ATP6V1C1: variants seen among roughly 807,000 people sequenced by gnomAD.
ATP6V1C1 encodes ATPase H+ transporting V1 subunit C1, also known as V-type proton ATPase subunit C 1.
Under a neutral mutation model 53.9 loss-of-function variants are expected in ATP6V1C1, and 45 were observed. The ratio of observed to expected loss-of-function variants is 0.83; its 90% CI spans 0.66 to 1.07. The LOEUF (loss-of-function observed/expected upper bound fraction) is 1.07, where lower values mean the gene tolerates loss of function less well. ATP6V1C1 is among the 50% of genes least tolerant of loss of function. The pLI, the probability that ATP6V1C1 is intolerant of heterozygous loss-of-function variation, is 0.00. For missense variants in ATP6V1C1, 315 were observed against 440.3 expected (o/e 0.72, Z 2.55); for synonymous variants, 153 against 155.2 (o/e 0.99, Z 0.11).
intron 1 of ATP6V1C1, among the ~76,000 whole-genome samples, chr8:103,022,889 A>G (rs572768448): frequency 2.0e-5 from 3 of 152,186 alleles, no homozygotes; most frequent in Non-Finnish European, 4.4e-5. Flanking sequence ...GTCTCTACCA[A>G]AAATAAAAAA....
At chr8:103,053,740 C>T (rs1817240533) in intron 6 of ATP6V1C1, 144 bp from the exon 7 acceptor site, 1 of 602,350 alleles carries the variant, frequency 1.7e-6, no homozygotes. Context: ...TAAATGGTGA[C>T]TTCTTACAAA....
intron 10 of ATP6V1C1, among the ~76,000 whole-genome samples, chr8:103,063,664 T>C (rs1817441880): frequency 6.6e-6 from 1 of 152,204 alleles, no homozygotes; most frequent in Admixed American, 6.5e-5. Context: ...CCTCAATCTT[T>C]TATTGAAGCA....
chr8:103,065,967 A>C (rs1487675041), intron 11 of ATP6V1C1, among the ~76,000 whole-genome samples: 1 of 152,002 alleles, frequency 6.6e-6, no homozygotes, highest in Non-Finnish European at 1.5e-5. Flanking sequence ...GCTTGAACCC[A>C]GGAGGCGGAG....
chr8:103,064,856 A>G (rs749858293), intron 11 of ATP6V1C1, 45 bp downstream of exon 11: 3 of 1,538,798 alleles, frequency 1.9e-6, no homozygotes, highest in South Asian at 2.3e-5. Flanking sequence ...GAGTTCATAG[A>G]TTCCTTACAT....
rs762303625 is a variant in ATP6V1C1, at chr8:103,062,967, G to A, written c.654G>A (p.Glu218=). The A allele has an allele frequency of 1.9e-6, 3 of 1,613,510 alleles. No homozygotes were observed. In the Admixed American group the frequency reaches 5.0e-5, roughly 27 times the overall value. ...VVPRSSNVLS[E]DQDSYLCNVT... ...TTTTTTTCCATAGTGTTCTTTCAGA[G>A]GACCAAGACAGTTACCTGTGTAATG... Residue 218 remains glutamate, a synonymous_variant, in exon 9 of 13, where the codon GAG becomes GAA. Coordinates refer to ENST00000518738, the MANE Select transcript of ATP6V1C1 (RefSeq NM_001695.5).
intron 3 of ATP6V1C1, among the ~76,000 whole-genome samples, chr8:103,048,153 C>T (rs1817137599): frequency 6.6e-6 from 1 of 152,200 alleles, no homozygotes; most frequent in African/African-American, 2.4e-5. Context: ...GAATAAGCCA[C>T]TTATTCTTTT....
intron 1 of ATP6V1C1, among the ~76,000 whole-genome samples, chr8:103,030,368 A>C (rs1324783035): frequency 6.6e-6 from 1 of 152,204 alleles, no homozygotes; most frequent in Non-Finnish European, 1.5e-5. Flanking sequence ...GCATAGAAAC[A>C]ATCAGAACAA....
At chr8:103,042,845 A>G (rs547071372) in intron 3 of ATP6V1C1, among the ~76,000 whole-genome samples, 51 of 152,320 alleles carry the variant, frequency 3.3e-4, no homozygotes, top group Middle Eastern at 6.8e-3. Flanking sequence ...TAAATGGAAT[A>G]CAATACGTGG....
chr8:103,032,540 G>A (rs879660058), intron 1 of ATP6V1C1, among the ~76,000 whole-genome samples: 1 of 151,680 alleles, frequency 6.6e-6, no homozygotes, highest in Admixed American at 6.6e-5. Context: ...CTGGAGTGCA[G>A]TGGCATGGCT....
chr8:103,027,087 T>C (rs1816709779), intron 1 of ATP6V1C1, among the ~76,000 whole-genome samples: 1 of 152,152 alleles, frequency 6.6e-6, no homozygotes, highest in Non-Finnish European at 1.5e-5. Flanking sequence ...TTTAACTGAG[T>C]GGATTGTGGT....
chr8:103,049,982 CCCTTTATAA>C (rs1422484571), intron 4 of ATP6V1C1, among the ~76,000 whole-genome samples: 1 of 151,848 alleles, frequency 6.6e-6, no homozygotes, highest in Non-Finnish European at 1.5e-5. Flanking sequence ...AAGGATATAA[CCCTTTATAA>C]CCTTTTCCTT....
intron 3 of ATP6V1C1, among the ~76,000 whole-genome samples, chr8:103,043,318 T>A (rs1586315730): frequency 7.2e-6 from 1 of 138,838 alleles, no homozygotes; most frequent in Non-Finnish European, 1.6e-5. Flanking sequence ...TGAGATAATA[T>A]CTTTGTTTTT....
intron 2 of ATP6V1C1, 115 bp downstream of exon 2, chr8:103,041,083 G>A (rs1816992321): frequency 5.0e-6 from 6 of 1,200,514 alleles, no homozygotes; most frequent in Admixed American, 2.8e-5. Context: ...CTCCTCTCCA[G>A]CCATTGGCAT....
intron 1 of ATP6V1C1, among the ~76,000 whole-genome samples, chr8:103,021,627 T>TGG (rs991698280): frequency 4.5e-5 from 1 of 22,084 alleles, no homozygotes; most frequent in African/African-American, 2.0e-4. Context: ...GGGTGTGTGT[T>TGG]GGGGGGGGCG....
intron 1 of ATP6V1C1, among the ~76,000 whole-genome samples, chr8:103,026,410 G>A (rs954988341): frequency 2.0e-5 from 3 of 152,206 alleles, no homozygotes; most frequent in African/African-American, 4.8e-5. Context: ...TCATATTTAA[G>A]TATATTTATG....
intron 8 of ATP6V1C1, among the ~76,000 whole-genome samples, chr8:103,059,676 C>A (rs1192101102): frequency 6.6e-6 from 1 of 152,068 alleles, no homozygotes; most frequent in East Asian, 1.9e-4. Flanking sequence ...CCCCACTCCC[C>A]CAAGACCCAC....
chr8:103,025,728 C>T (rs1586305058), intron 1 of ATP6V1C1, among the ~76,000 whole-genome samples: 1 of 152,160 alleles, frequency 6.6e-6, no homozygotes, highest in African/African-American at 2.4e-5. Context: ...GATAACACAT[C>T]TTGTGAGGGA....
chr8:103,057,779 C>T (rs1014488988), intron 8 of ATP6V1C1, among the ~76,000 whole-genome samples: 1 of 151,994 alleles, frequency 6.6e-6, no homozygotes, highest in African/African-American at 2.4e-5. Context: ...TGTATTTTCA[C>T]AAATGTTGAT....
At chr8:103,044,332 A>G (rs925379052) in intron 3 of ATP6V1C1, among the ~76,000 whole-genome samples, 11 of 152,132 alleles carry the variant, frequency 7.2e-5, no homozygotes, top group African/African-American at 1.2e-4. Flanking sequence ...TTTTATGTCT[A>G]TGTTTTCTTC....
Sources: gnomAD v4.1 joint callset for allele counts (sites outside exome capture counted in the v4.1 genomes callset) on GRCh38, gnomAD v4.1.1 for gene constraint, MANE v1.5 for transcripts, NCBI Gene and HGNC (gene_info 2026-07-23, HGNC 2026-07-21) for gene names.